Variants in TPD52 observed in about 807,000 individuals in gnomAD.
TPD52 encodes tumor protein D52.
Under a neutral mutation model 31.3 loss-of-function variants are expected in TPD52, and 17 were observed. The ratio of observed to expected loss-of-function variants is 0.54; its 90% CI spans 0.37 to 0.82. TPD52 has a LOEUF of 0.82. TPD52 is among the 40% of genes least tolerant of loss of function. The pLI, the probability that TPD52 is intolerant of heterozygous loss-of-function variation, is 0.00. For synonymous variants in TPD52, 83 were observed against 89.6 expected, an observed-to-expected ratio of 0.93 and a Z score of 0.42; for missense variants, 212 against 240.1, an observed-to-expected ratio of 0.88 and a Z score of 0.77.
At chr8:80,110,349 T>C (rs1382881951) in intron 1 of TPD52, among the ~76,000 whole-genome samples, 1 of 151,970 alleles carries the variant, frequency 6.6e-6, no homozygotes, top group East Asian at 1.9e-4. Context: ...TCACTGTGAT[T>C]AGAAAAAAAA....
At chr8:80,125,471 C>T (rs1282334746) in intron 1 of TPD52, among the ~76,000 whole-genome samples, 1 of 152,056 alleles carries the variant, frequency 6.6e-6, no homozygotes, top group Non-Finnish European at 1.5e-5. Flanking sequence ...GGCGATGATA[C>T]TGATACTTCT....
chr8:80,155,748 T>C (rs1329318248), intron 1 of TPD52, among the ~76,000 whole-genome samples: 1 of 151,876 alleles, frequency 6.6e-6, no homozygotes, highest in Admixed American at 6.6e-5. Context: ...CCAGGCATGG[T>C]GGCGTGTGCC....
intron 1 of TPD52, among the ~76,000 whole-genome samples, chr8:80,101,265 T>C (rs927679815): frequency 1.3e-5 from 2 of 152,090 alleles, no homozygotes; most frequent in African/African-American, 4.8e-5. Flanking sequence ...CTGACCAACA[T>C]GGTGAAACCC....
intron 5 of TPD52, among the ~76,000 whole-genome samples, chr8:80,048,387 C>T (rs991859381): frequency 6.6e-6 from 1 of 152,212 alleles, no homozygotes; most frequent in Non-Finnish European, 1.5e-5. Flanking sequence ...TCCATAATTA[C>T]ATTAAGGAGT....
At chr8:80,140,587 C>T (rs144168033) in intron 1 of TPD52, among the ~76,000 whole-genome samples, 8 of 152,218 alleles carry the variant, frequency 5.3e-5, no homozygotes, top group African/African-American at 7.2e-5. Context: ...CTTGTAGCTA[C>T]GAAAAACACC....
At chr8:80,168,733 ACT>A (rs1811873614) in intron 1 of TPD52, among the ~76,000 whole-genome samples, 2 of 152,164 alleles carry the variant, frequency 1.3e-5, no homozygotes, top group Non-Finnish European at 2.9e-5. Context: ...CTTATCAGCA[ACT>A]CTCTGGCTAA....
intron 1 of TPD52, among the ~76,000 whole-genome samples, chr8:80,138,843 T>G (rs1809620694): frequency 1.3e-5 from 2 of 152,174 alleles, no homozygotes; most frequent in Non-Finnish European, 1.5e-5. Context: ...GCTTCCTGAT[T>G]TACAAGGCCA....
intron 1 of TPD52, among the ~76,000 whole-genome samples, chr8:80,077,251 GGCGACAGA>G (rs1197565304): frequency 2.0e-5 from 3 of 150,388 alleles, no homozygotes; most frequent in Non-Finnish European, 4.4e-5. Flanking sequence ...CTCCAGCCTG[GGCGACAGA>G]GCAAGACTCT....
chr8:80,149,663 G>A (rs1810440568), intron 1 of TPD52, among the ~76,000 whole-genome samples: 1 of 152,246 alleles, frequency 6.6e-6, no homozygotes, highest in Non-Finnish European at 1.5e-5. Flanking sequence ...ATAAAGTCCA[G>A]GCTGACGTGG....
rs1810622223 is a variant in TPD52 at position 80,044,167 on chromosome 8, C to T, written c.455G>A (p.Arg152Lys). ...TACATTTCATAAAAATATACTTTAC[C>T]TCATAGCAGGCATGCTAATTGAATG... is the stretch of plus-strand genomic sequence containing the variant. ...IQHSISMPAM[R>K]NSPTFKSFEE... Residue 152 changes from arginine (R) to lysine (K), a missense_variant and splice_region_variant, in exon 6 of 8, where the codon AGA (arginine) becomes AAA (lysine). Transcript: ENST00000518937. The T allele has an allele frequency of 1.3e-6, 2 of 1,582,180 alleles. No homozygotes were observed. The highest frequency in any genetic ancestry group is 1.7e-6 in the Non-Finnish European group (2 of 1,168,674).
chr8:80,104,770 C>A (rs4740103), intron 1 of TPD52, among the ~76,000 whole-genome samples: 83,930 of 151,280 alleles, frequency 0.55, 24,709 homozygotes, highest in East Asian at 0.79. Flanking sequence ...TTTAATAGAA[C>A]ATTTTTAGGC....
chr8:80,144,751 C>T (rs1283871289), intron 1 of TPD52, among the ~76,000 whole-genome samples: 1 of 152,216 alleles, frequency 6.6e-6, no homozygotes, highest in Non-Finnish European at 1.5e-5. Context: ...AGGTGTTGGA[C>T]TGTCTCCTTG....
chr8:80,045,958 A>G (rs538382005), intron 5 of TPD52, among the ~76,000 whole-genome samples: 1 of 152,182 alleles, frequency 6.6e-6, no homozygotes, highest in African/African-American at 2.4e-5. Flanking sequence ...GGACCCACAC[A>G]TTGAATTTGG....
chr8:80,091,739 A>G (rs921854810), intron 1 of TPD52, among the ~76,000 whole-genome samples: 1 of 152,206 alleles, frequency 6.6e-6, no homozygotes, highest in Admixed American at 6.5e-5. Context: ...AGTGCTTCTC[A>G]AATAACTTTA....
intron 1 of TPD52, among the ~76,000 whole-genome samples, chr8:80,146,546 A>G (rs1433642086): frequency 2.6e-5 from 4 of 152,224 alleles, no homozygotes; most frequent in African/African-American, 9.6e-5. Flanking sequence ...TGATGGTCCC[A>G]TTATCTATTA....
chr8:80,066,973 A>G (rs1804169985), intron 1 of TPD52: 1 of 152,220 alleles, frequency 6.6e-6, no homozygotes, highest in East Asian at 1.9e-4. Context: ...CCAAAACAAA[A>G]CAAGCAAAAC....
In TPD52 at chr8:80,166,803, G is replaced by A. The variant is rs555157068; in HGVS notation, c.19+4622C>T. Among the ~76,000 whole-genome samples, 5 of 152,082 alleles carry A rather than the reference G, an allele frequency of 3.3e-5. No homozygotes were observed. In the South Asian group the frequency reaches 1.0e-3, roughly 32 times the overall value. On this transcript the variant is annotated intron_variant, in intron 1 of 7. Coordinates refer to ENST00000518937, the MANE Select transcript of TPD52 (RefSeq NM_001025253.3). ...CGCCTGTAGTCCCAGCTACTTGGGA[G>A]GCTGAGACAGGAGAATTGCTTGAAC...
intron 1 of TPD52, among the ~76,000 whole-genome samples, chr8:80,097,519 C>T (rs1161581604): frequency 6.6e-6 from 1 of 152,148 alleles, no homozygotes; most frequent in African/African-American, 2.4e-5. Flanking sequence ...ATAGTGAGTT[C>T]TCAAGAGATC....
At chr8:80,094,480 A>ATG (rs1816573410) in intron 1 of TPD52, among the ~76,000 whole-genome samples, 2 of 110,086 alleles carry the variant, frequency 1.8e-5, no homozygotes, top group Admixed American at 1.9e-4. Flanking sequence ...ATATATATAT[A>ATG]TATATGTATG....
Sources: gnomAD v4.1 joint callset for allele counts (sites outside exome capture counted in the v4.1 genomes callset) on GRCh38, gnomAD v4.1.1 for gene constraint, MANE v1.5 for transcripts, NCBI Gene and HGNC (gene_info 2026-07-23, HGNC 2026-07-21) for gene names.